The following ANKS1B variants were observed in gnomAD, a reference collection of about 807,000 sequenced individuals.
ANKS1B encodes the protein ankyrin repeat and sterile alpha motif domain containing 1B, also known as ankyrin repeat and sterile alpha motif domain-containing protein 1B.
In ANKS1B, 36 loss-of-function variants were observed where a neutral mutation model predicts 148.3. The ratio of observed to expected loss-of-function variants is 0.24; its 90% confidence interval spans 0.19 to 0.32. The LOEUF (loss-of-function observed/expected upper bound fraction) is 0.32, where lower values mean the gene tolerates loss of function less well. Ranked by LOEUF, ANKS1B falls within the 10% of genes least tolerant of loss-of-function variation. The pLI is 1.00. For missense variants in ANKS1B, 1,157 were observed against 1,542.6 expected, an observed-to-expected ratio of 0.75 and a Z score of 4.19; for synonymous variants, 542 against 560.8, an observed-to-expected ratio of 0.97 and a Z score of 0.47.
In ANKS1B at chr12:99,856,347, T is replaced by TTAAA. The variant is rs1177029764; in HGVS notation, c.135-30959_135-30958insTTTA. ...ATAAATTCCTGGAAATATACAGCCC[T>TTAAA]CCTACATTAAACCAAGAAGTAGAAA... is the stretch of plus-strand genomic sequence containing the variant. On this transcript the variant is annotated intron_variant, in intron 1 of 26. Coordinates refer to ENST00000683438, the MANE Select transcript of ANKS1B (RefSeq NM_001352186.2). Among the ~76,000 whole-genome samples, 3 of 151,942 alleles carry TTAAA rather than the reference T, an allele frequency of 2.0e-5. No individual in the cohort carries two copies. The East Asian group carries it at 5.8e-4, about 29-fold the overall frequency.
chr12:99,145,591 C>G (rs931544153), intron 15 of ANKS1B, among the ~76,000 whole-genome samples: 1 of 152,006 alleles, frequency 6.6e-6, no homozygotes, highest in African/African-American at 2.4e-5. Flanking sequence ...AAGCAGACAT[C>G]CTCTTGACAA....
chr12:99,835,424 G>A (rs1447859224), intron 1 of ANKS1B, among the ~76,000 whole-genome samples: 1 of 143,196 alleles, frequency 7.0e-6, no homozygotes, highest in Non-Finnish European at 1.6e-5. Context: ...GCAAGACCCA[G>A]TCTCAAAAAA....
At position 99,782,002 on chromosome 12, in the gene ANKS1B, T is replaced by C; in HGVS notation, c.745+20A>G. On this transcript the variant is annotated intron_variant, in intron 5 of 26. Transcript: ENST00000683438. ...ATGTTATCTGTCAGGATAAGCTCCA[T>C]GCAGAATCACAATAGTTACCTGTTT... 3.2e-6 allele frequency: 5 copies of C among 1,577,438 alleles called. No homozygotes were observed. Among genetic ancestry groups the C allele is most frequent in the Non-Finnish European group, 4.3e-6 (5 of 1,160,148 alleles).
intron 17 of ANKS1B, among the ~76,000 whole-genome samples, chr12:99,002,596 T>C (rs914829084): frequency 6.6e-6 from 1 of 152,160 alleles, no homozygotes; most frequent in Non-Finnish European, 1.5e-5. Context: ...TTAGGTGATG[T>C]TGAGCATCTT....
At chr12:99,845,379 T>C (rs991540372) in intron 1 of ANKS1B, among the ~76,000 whole-genome samples, 6 of 152,184 alleles carry the variant, frequency 3.9e-5, no homozygotes, top group African/African-American at 1.4e-4. Flanking sequence ...ATATGGCTCT[T>C]ATTATTTTGA....
intron 9 of ANKS1B, among the ~76,000 whole-genome samples, chr12:99,582,079 A>G (rs946172012): frequency 3.3e-5 from 5 of 152,056 alleles, no homozygotes; most frequent in African/African-American, 1.2e-4. Flanking sequence ...AAGAATATAT[A>G]TGAATGGCAA....
chr12:99,007,939 C>G (rs1201474025), intron 17 of ANKS1B, among the ~76,000 whole-genome samples: 1 of 152,008 alleles, frequency 6.6e-6, no homozygotes, highest in African/African-American at 2.4e-5. Flanking sequence ...GACTCTGGCT[C>G]AAACATGTTC....
intron 14 of ANKS1B, among the ~76,000 whole-genome samples, chr12:99,164,333 T>TA (rs1365651825): frequency 3.9e-5 from 6 of 152,206 alleles, no homozygotes; most frequent in Non-Finnish European, 7.4e-5. Context: ...GCTTACATTT[T>TA]AATGGGCAAA....
intron 10 of ANKS1B, among the ~76,000 whole-genome samples, chr12:99,447,633 C>T (rs548708109): frequency 2.0e-5 from 3 of 151,932 alleles, no homozygotes; most frequent in Admixed American, 6.6e-5. Flanking sequence ...AAGCTCTGCA[C>T]AGCAAAGGAA....
intron 1 of ANKS1B, among the ~76,000 whole-genome samples, chr12:99,927,410 A>C (rs1311880523): frequency 6.6e-6 from 1 of 152,212 alleles, no homozygotes; most frequent in Non-Finnish European, 1.5e-5. Flanking sequence ...GTTTTCTAAA[A>C]TCTGTTTGCC....
chr12:98,991,700 T>C (rs2153277039), intron 17 of ANKS1B, among the ~76,000 whole-genome samples: 1 of 152,340 alleles, frequency 6.6e-6, no homozygotes, highest in South Asian at 2.1e-4. Context: ...CATTTACTGA[T>C]GAGGAAACCA....
intron 12 of ANKS1B, among the ~76,000 whole-genome samples, chr12:99,366,713 TA>T (rs1566965972): frequency 1.3e-5 from 2 of 152,030 alleles, no homozygotes; most frequent in South Asian, 4.1e-4. Flanking sequence ...TACATAAATG[TA>T]AAAAATAAAA....
At chr12:99,916,345 A>C (rs985997879) in intron 1 of ANKS1B, among the ~76,000 whole-genome samples, 10 of 152,334 alleles carry the variant, frequency 6.6e-5, no homozygotes, top group Non-Finnish European at 1.5e-4. Flanking sequence ...TATAGGCTCT[A>C]AGCTGACACT....
rs150744983 is a variant in ANKS1B, at chr12:99,791,040, C to T, written c.670-8943G>A. On this transcript the variant is annotated intron_variant, in intron 4 of 26. Transcript: ENST00000683438. Reference sequence around the variant, plus strand: ...TGATGCCTACAGGAAGCACATGTTACCTATAACGATACACACAGATTAAAA... The same window carrying T: ...TGATGCCTACAGGAAGCACATGTTATCTATAACGATACACACAGATTAAAA... Among the ~76,000 whole-genome samples the T allele has an allele frequency of 2.1e-3, 326 of 151,980 alleles. 3 individuals carry two copies. The highest frequency in any genetic ancestry group is 7.4e-3 in the African/African-American group (309 of 41,502).
intron 9 of ANKS1B, among the ~76,000 whole-genome samples, chr12:99,651,814 A>G (rs558416022): frequency 9.2e-4 from 140 of 152,138 alleles, no homozygotes; most frequent in Middle Eastern, 3.4e-3. Context: ...AGATTTAAAA[A>G]TTACCATTTG....
rs1031751054 is a variant in ANKS1B, at chr12:99,823,203, A to C, written c.215+2106T>G. Among the ~76,000 whole-genome samples, 6 of 152,100 alleles carry C rather than the reference A, an allele frequency of 3.9e-5. No homozygotes were observed. In the East Asian group the frequency reaches 1.2e-3, roughly 29 times the overall value. On this transcript the variant is annotated intron_variant, in intron 2 of 26. Transcript: ENST00000683438. ...ATTCTGAATATTTGGCCTTTGGTAG[A>C]TGCATAGTTTATGAATATTTTCTCC...
At chr12:99,538,723 C>T (rs184964525) in intron 9 of ANKS1B, among the ~76,000 whole-genome samples, 1 of 152,168 alleles carries the variant, frequency 6.6e-6, no homozygotes, top group East Asian at 1.9e-4. Flanking sequence ...ATATGGAGGC[C>T]CTTTATATCT....
intron 14 of ANKS1B, among the ~76,000 whole-genome samples, chr12:99,191,197 C>T (rs1036888194): frequency 6.6e-6 from 1 of 152,130 alleles, no homozygotes; most frequent in African/African-American, 2.4e-5. Flanking sequence ...CAGGGAACAA[C>T]AGATGCTGGA....
chr12:99,413,971 C>T (rs965407062), intron 11 of ANKS1B, among the ~76,000 whole-genome samples: 2 of 152,170 alleles, frequency 1.3e-5, no homozygotes, highest in Admixed American at 6.5e-5. Flanking sequence ...GTTCCAGGTT[C>T]CTGCACCTGC....
Sources: gnomAD v4.1 joint callset for allele counts (sites outside exome capture counted in the v4.1 genomes callset) on GRCh38, gnomAD v4.1.1 for gene constraint, MANE v1.5 for transcripts, NCBI Gene and HGNC (gene_info 2026-07-23, HGNC 2026-07-21) for gene names.